Variants in BMPR1B observed in about 807,000 individuals in gnomAD.
BMPR1B encodes the protein bone morphogenetic protein receptor type-1B.
BMPR1B carries 12 observed loss-of-function variants against 59.1 expected under a neutral mutation model. The observed-to-expected ratio is 0.20, with a 90% CI of 0.13 to 0.33. The LOEUF is 0.33. Among genes scored for constraint, BMPR1B ranks in the 10% least tolerant of loss-of-function variants. The pLI, the probability that BMPR1B is intolerant of heterozygous loss-of-function variation, is 1.00. For synonymous variants in BMPR1B, 237 were observed against 207.3 expected, an observed-to-expected ratio of 1.14 and a Z score of -1.23; for missense variants, 550 against 610.9, an observed-to-expected ratio of 0.90 and a Z score of 1.05.
At chr4:95,013,835 G>A (rs990539097) in intron 3 of BMPR1B, among the ~76,000 whole-genome samples, 3 of 152,100 alleles carry the variant, frequency 2.0e-5, no homozygotes, top group Non-Finnish European at 4.4e-5. Flanking sequence ...TAATTAGATT[G>A]TAGTGGTTTT....
intron 2 of BMPR1B, among the ~76,000 whole-genome samples, chr4:94,961,257 A>C (rs1037432795): frequency 5.9e-5 from 9 of 152,198 alleles, no homozygotes; most frequent in African/African-American, 2.2e-4. Context: ...TATATACAGG[A>C]AGTTTTATTG....
intron 8 of BMPR1B, among the ~76,000 whole-genome samples, chr4:95,129,126 G>A (rs1297787814): frequency 3.3e-5 from 5 of 152,158 alleles, no homozygotes; most frequent in Non-Finnish European, 7.4e-5. Context: ...CATAGTCACG[G>A]CATGAAAAGT....
chr4:95,032,526 T>G (rs1724945266), intron 3 of BMPR1B, among the ~76,000 whole-genome samples: 1 of 152,158 alleles, frequency 6.6e-6, no homozygotes, highest in East Asian at 1.9e-4. Context: ...AACTACTTCC[T>G]ATTTTCCCTC....
At chr4:94,800,705 C>T (rs1432316319) in intron 1 of BMPR1B, among the ~76,000 whole-genome samples, 2 of 152,046 alleles carry the variant, frequency 1.3e-5, no homozygotes, top group Non-Finnish European at 2.9e-5. Context: ...CTTTGCCTTC[C>T]TCTTTGGATT....
At chr4:95,079,352 T>C (rs1728943216) in intron 3 of BMPR1B, among the ~76,000 whole-genome samples, 1 of 152,176 alleles carries the variant, frequency 6.6e-6, no homozygotes, top group Non-Finnish European at 1.5e-5. Flanking sequence ...GTGCCTGACA[T>C]GATTCTAGAT....
chr4:95,118,173 A>T (rs1363972073), intron 6 of BMPR1B, among the ~76,000 whole-genome samples: 1 of 152,168 alleles, frequency 6.6e-6, no homozygotes, highest in African/African-American at 2.4e-5. Flanking sequence ...GTCTCTGCAG[A>T]GTCTACTCAG....
chr4:94,765,432 C>G (rs1288186005), intron 1 of BMPR1B, among the ~76,000 whole-genome samples: 1 of 152,114 alleles, frequency 6.6e-6, no homozygotes, highest in Non-Finnish European at 1.5e-5. Context: ...TTCCTCATCT[C>G]CCTGCTCGTT....
intron 2 of BMPR1B, among the ~76,000 whole-genome samples, chr4:94,992,832 G>A (rs190042537): frequency 1.8e-4 from 27 of 152,208 alleles, no homozygotes; most frequent in Middle Eastern, 3.4e-3. Context: ...ACTGTCTATT[G>A]TGTTGCCTTT....
chr4:94,903,528 A>T (rs73836190), intron 2 of BMPR1B, among the ~76,000 whole-genome samples: 4,505 of 109,550 alleles, frequency 0.041, 136 homozygotes, highest in African/African-American at 0.096. Flanking sequence ...TTTTTTTTTT[A>T]AAAAGACAAT....
chr4:95,035,441 G>A (rs908946358), intron 3 of BMPR1B, among the ~76,000 whole-genome samples: 3 of 152,000 alleles, frequency 2.0e-5, no homozygotes, highest in African/African-American at 7.2e-5. Context: ...GATCCATCTC[G>A]AGTTGATTTT....
At chr4:95,131,598 G>C in intron 10 of BMPR1B, 86 bp downstream of exon 10, 1 of 1,428,940 alleles carries the variant, frequency 7.0e-7, no homozygotes, top group Non-Finnish European at 9.8e-7. Flanking sequence ...AGGATATTTA[G>C]TAGAAGAGGA....
chr4:94,872,786 A>C (rs1726554139), intron 1 of BMPR1B, among the ~76,000 whole-genome samples: 1 of 152,226 alleles, frequency 6.6e-6, no homozygotes, highest in Admixed American at 6.5e-5. Context: ...GTAAAAGATG[A>C]TTATGTTTTG....
chr4:94,990,826 T>C (rs1049328352), intron 2 of BMPR1B, among the ~76,000 whole-genome samples: 7 of 152,334 alleles, frequency 4.6e-5, no homozygotes, highest in African/African-American at 1.4e-4. Context: ...GTATTGTTTG[T>C]TGTTTTAAAG....
intron 3 of BMPR1B, among the ~76,000 whole-genome samples, chr4:95,090,929 A>T (rs1376859701): frequency 6.6e-6 from 1 of 152,104 alleles, no homozygotes; most frequent in Non-Finnish European, 1.5e-5. Flanking sequence ...AGTTTTCCAA[A>T]CATTTTGAAA....
intron 3 of BMPR1B, among the ~76,000 whole-genome samples, chr4:95,003,640 TA>T (rs1560590057): frequency 6.6e-6 from 1 of 152,134 alleles, no homozygotes; most frequent in African/African-American, 2.4e-5. Flanking sequence ...TGTATATGTA[TA>T]TTTTATTAAT....
At chr4:94,917,610 C>A (rs527318259) in intron 2 of BMPR1B, among the ~76,000 whole-genome samples, 1 of 152,236 alleles carries the variant, frequency 6.6e-6, no homozygotes, top group Non-Finnish European at 1.5e-5. Context: ...TGCCTGTATC[C>A]CCATATTATC....
chr4:94,879,388 C>G (rs996263974), intron 2 of BMPR1B, among the ~76,000 whole-genome samples: 1 of 152,150 alleles, frequency 6.6e-6, no homozygotes, highest in Non-Finnish European at 1.5e-5. Context: ...ATTGCTAGAG[C>G]CCACAAGTTT....
intron 3 of BMPR1B, among the ~76,000 whole-genome samples, chr4:95,021,053 A>C (rs1347390593): frequency 1.3e-5 from 2 of 152,146 alleles, no homozygotes; most frequent in Non-Finnish European, 2.9e-5. Flanking sequence ...GATGCTTGAG[A>C]CTTTATGAAG....
intron 10 of BMPR1B, 43 bp downstream of exon 10, chr4:95,131,555 C>A (rs779591382): frequency 7.5e-6 from 12 of 1,601,502 alleles, no homozygotes; most frequent in Non-Finnish European, 1.0e-5. Flanking sequence ...TGACTCTTTT[C>A]TGTTACTTTT....
Sources: gnomAD v4.1 joint callset for allele counts (sites outside exome capture counted in the v4.1 genomes callset) on GRCh38, gnomAD v4.1.1 for gene constraint, MANE v1.5 for transcripts, NCBI Gene and HGNC (gene_info 2026-07-23, HGNC 2026-07-21) for gene names.